Variants in C16orf95 observed in about 807,000 individuals in gnomAD.
C16orf95 encodes the protein chromosome 16 open reading frame 95, also known as uncharacterized protein C16orf95.
In C16orf95, 41 loss-of-function variants were observed where a neutral mutation model predicts 32.1. The observed-to-expected ratio is 1.28, with a 90% CI of 1.00 to 1.66. The LOEUF is 1.66. Ranked by LOEUF, C16orf95 falls within the 40% of genes most tolerant of loss-of-function variation. C16orf95 has a pLI of 0.00. For synonymous variants in C16orf95, 147 were observed against 128.9 expected, an observed-to-expected ratio of 1.14 and a Z score of -0.95; for missense variants, 399 against 325.9, an observed-to-expected ratio of 1.22 and a Z score of -1.73.
Position 87,317,137 on chromosome 16 carries a change from C to T in C16orf95, c.106G>A (p.Val36Ile). ...AAAGGPGAGC[V>I]GLCRLALTPS... The stretch of plus-strand genomic sequence containing the variant: ...GTGAGTGCCAACCTGCAGAGCCCGA[C>T]GCACCCCGCGCCCGGCCCCCCGGCA... Residue 36 changes from valine (V) to isoleucine (I), a missense_variant, in exon 1 of 7, where the codon GTC (valine) becomes ATC (isoleucine). Transcript: ENST00000567970. 1 of 1,534,146 alleles carries T rather than the reference C, an allele frequency of 6.5e-7. No individual in the cohort carries two copies. Among genetic ancestry groups the T allele is most frequent in the Non-Finnish European group, 8.7e-7 (1 of 1,145,772 alleles).
At position 87,308,216 on chromosome 16, in the gene C16orf95, T is replaced by C. The variant is rs186977912; in HGVS notation, c.514+2081A>G. Reference sequence around the variant, plus strand: ...AGCAGGTGTTGGCCGGGCACAGTGGTTCACGCCTGTAATCCCAGCACTTTG... The same window carrying C: ...AGCAGGTGTTGGCCGGGCACAGTGGCTCACGCCTGTAATCCCAGCACTTTG... On this transcript the variant is annotated intron_variant, in intron 5 of 6. Coordinates refer to ENST00000567970, the MANE Select transcript of C16orf95 (RefSeq NM_001195124.3). Among the ~76,000 whole-genome samples, 188 of 152,008 alleles carry C rather than the reference T, an allele frequency of 1.2e-3. 1 individual carries two copies. Among genetic ancestry groups the C allele is most frequent in the Middle Eastern group, 3.4e-3 (1 of 294 alleles).
chr16:87,311,954 TA>T (rs1303049535), intron 3 of C16orf95, among the ~76,000 whole-genome samples: 1 of 152,182 alleles, frequency 6.6e-6, no homozygotes, highest in Non-Finnish European at 1.5e-5. Flanking sequence ...TGACACGGAA[TA>T]AACTCTGAGA....
At chr16:87,308,232 C>A (rs540149035) in intron 5 of C16orf95, among the ~76,000 whole-genome samples, 2 of 152,218 alleles carry the variant, frequency 1.3e-5, no homozygotes, top group South Asian at 4.2e-4. Flanking sequence ...CCTGTAATCC[C>A]AGCACTTTGG....
At chr16:87,313,451 C>T (rs951586213) in intron 3 of C16orf95, among the ~76,000 whole-genome samples, 1 of 152,124 alleles carries the variant, frequency 6.6e-6, no homozygotes, top group African/African-American at 2.4e-5. Context: ...AGAGGCTTGG[C>T]CAGGTGTGGT....
chr16:87,311,036 C>G (rs1050416989), intron 4 of C16orf95, 114 bp downstream of exon 4: 3 of 1,031,340 alleles, frequency 2.9e-6, no homozygotes, highest in South Asian at 3.8e-5. Flanking sequence ...CCAGCAGAGG[C>G]CTTTGTGGGA....
In C16orf95 at chr16:87,305,476, G is replaced by C. The variant is rs985180466; in HGVS notation, c.701+243C>G. 6.6e-6 allele frequency among the ~76,000 whole-genome samples: 1 copy of C among 152,212 alleles called. No individual in the cohort carries two copies. Among genetic ancestry groups the C allele is most frequent in the African/African-American group, 2.4e-5 (1 of 41,456 alleles). ...ATTTTAGAACTTGGGAAGAGGGAAG[G>C]GGTGGAAGTGCCCCACGAGGCCCCC... On this transcript the variant is annotated intron_variant, in intron 6 of 6. Transcript: ENST00000567970. This position sits in a 1 kb window ranked among gnomAD's most constrained non-coding sequence, Gnocchi z 4.2.
At chr16:87,309,903 G>C (rs914277976) in intron 5 of C16orf95, among the ~76,000 whole-genome samples, 1 of 152,140 alleles carries the variant, frequency 6.6e-6, no homozygotes, top group African/African-American at 2.4e-5. Context: ...ATGAATGTAT[G>C]AGTATATAAT....
chr16:87,314,703 C>T (rs1057060080), intron 3 of C16orf95, among the ~76,000 whole-genome samples: 1 of 152,148 alleles, frequency 6.6e-6, no homozygotes, highest in Non-Finnish European at 1.5e-5. Flanking sequence ...TTAGAAAAAA[C>T]TGTTTAAAAA....
Position 87,305,090 on chromosome 16 carries a change from G to A in C16orf95, c.701+629C>T, listed in dbSNP as rs1043857871. On this transcript the variant is annotated intron_variant, in intron 6 of 6. Transcript: ENST00000567970. The surrounding 1 kb of genome is among the most constrained non-coding windows in gnomAD (Gnocchi z 4.2). ...AGAGGAGCCACCGCCTAGGCCGAGA[G>A]TAAAGGAGTAAGAGGAAGTAGCTGT... Among the ~76,000 whole-genome samples, 1 of 152,212 alleles carries A rather than the reference G, an allele frequency of 6.6e-6. No homozygotes were observed. The highest frequency in any genetic ancestry group is 1.5e-5 in the Non-Finnish European group (1 of 68,046).
In C16orf95 at chr16:87,305,363, T is replaced by G. The variant is rs1227498885; in HGVS notation, c.701+356A>C. ...TGCTCAGAGCTCAGAGGCTGGAGGG[T>G]GAGTGGCTGTTAAGATGCACCGTCA... On this transcript the variant is annotated intron_variant, in intron 6 of 6. Coordinates refer to ENST00000567970, the MANE Select transcript of C16orf95 (RefSeq NM_001195124.3). This position sits in a 1 kb window ranked among gnomAD's most constrained non-coding sequence, Gnocchi z 4.2. Among the ~76,000 whole-genome samples the G allele has an allele frequency of 6.6e-6, 1 of 151,544 alleles. No individual in the cohort carries two copies. Among genetic ancestry groups the G allele is most frequent in the African/African-American group, 2.4e-5 (1 of 41,196 alleles).
chr16:87,311,568 C>T (rs1036463615), intron 3 of C16orf95, among the ~76,000 whole-genome samples: 6 of 152,328 alleles, frequency 3.9e-5, no homozygotes, highest in East Asian at 1.9e-4. Context: ...TGTGCCCTGG[C>T]GGAGCACACA....
chr16:87,312,509 C>T lies in C16orf95; in HGVS notation c.331-1213G>A, dbSNP rs1284443613. ...GCTTGAACCTGGGAGACGGAGTTTGCAGTGAGCCGAAATCATGCCACTGCA... is the reference window on the plus strand; with the variant it reads ...GCTTGAACCTGGGAGACGGAGTTTGTAGTGAGCCGAAATCATGCCACTGCA... On this transcript the variant is annotated intron_variant, in intron 3 of 6. Coordinates refer to ENST00000567970, the MANE Select transcript of C16orf95 (RefSeq NM_001195124.3). 7.2e-5 allele frequency among the ~76,000 whole-genome samples: 10 copies of T among 139,752 alleles called. No individual in the cohort carries two copies. In the Admixed American group the frequency reaches 7.4e-4, roughly 10 times the overall value. The allele number at this position is 139,752 out of a possible 152,430, so 91.7% of individuals were successfully genotyped here.
At chr16:87,315,680 G>T in intron 2 of C16orf95, 92 bp downstream of exon 2, 1 of 985,812 alleles carries the variant, frequency 1.0e-6, no homozygotes, top group Non-Finnish European at 1.4e-6. Context: ...TCTCTCATGG[G>T]ATGCAGCTTC....
chr16:87,308,093 C>T (rs1314312059), intron 5 of C16orf95, among the ~76,000 whole-genome samples: 1 of 152,128 alleles, frequency 6.6e-6, no homozygotes, highest in African/African-American at 2.4e-5. Flanking sequence ...GAGGAATGAG[C>T]GGGAGCCTTG....
chr16:87,312,010 C>T (rs1911304514), intron 3 of C16orf95, among the ~76,000 whole-genome samples: 1 of 152,206 alleles, frequency 6.6e-6, no homozygotes. Context: ...GTTCACTACA[C>T]TACCATTTGC....
chr16:87,311,101 C>T lies in C16orf95; in HGVS notation c.477+49G>A, dbSNP rs759288295. 3.4e-5 allele frequency: 48 copies of T among 1,422,708 alleles called. 1 individual carries two copies. The South Asian group carries it at 6.2e-4, about 18-fold the overall frequency. 88.1% of individuals were successfully genotyped at this position (1,422,708 alleles called of 1,614,324 possible). The stretch of plus-strand genomic sequence containing the variant: ...TTCCTCCCATCTCCCCTTCCCCCGG[C>T]CCCCACCTCACTCTTCAGTTCTCAC... On this transcript the variant is annotated intron_variant, in intron 4 of 6. Transcript: ENST00000567970.
intron 1 of C16orf95, 73 bp downstream of exon 1, chr16:87,317,018 T>C (rs1254515137): frequency 3.0e-5 from 44 of 1,452,730 alleles, no homozygotes; most frequent in Non-Finnish European, 3.8e-5. Context: ...GCATAGGTCA[T>C]GGAGCAATGC....
At position 87,316,997 on chromosome 16, in the gene C16orf95, G is replaced by A. The variant is rs537346589; in HGVS notation, c.152+94C>T. ...AGGTTCCTGTGGGTGGCGGTCAAGA[G>A]TTCTGCCTGTGCATAGGTCATGGAG... is the stretch of plus-strand genomic sequence containing the variant. On this transcript the variant is annotated intron_variant, in intron 1 of 6. Transcript: ENST00000567970. The A allele has an allele frequency of 6.2e-4, 870 of 1,402,060 alleles. 3 individuals are homozygous for A. In the Middle Eastern group the frequency reaches 6.4e-3, roughly 10 times the overall value. 86.9% of individuals were successfully genotyped at this position (1,402,060 alleles called of 1,614,324 possible).
Position 87,303,061 on chromosome 16 carries a change from AC to A in C16orf95, c.715del (p.Val239PhefsTer32). 6.5e-7 allele frequency: 1 copy of A among 1,536,070 alleles called. No homozygotes were observed. Among genetic ancestry groups the A allele is most frequent in the East Asian group, 2.4e-5 (1 of 40,916 alleles). The stretch of plus-strand genomic sequence containing the variant: ...CAGTAGCTGAAGATTCCAACTTCAA[AC>A]CCCAAAACACTGGCTGGAAAGCAAA... Reference protein sequence around the residue: ...VIMAIRQCFGV With the variant: ...VIMAIRQCFGX On this transcript the variant is annotated frameshift_variant, in exon 7 of 7. Transcript: ENST00000567970. LOFTEE classifies it high-confidence loss of function.
Sources: allele counts gnomAD v4.1 joint callset (sites outside exome capture counted in the v4.1 genomes callset), GRCh38; gene constraint gnomAD v4.1.1; non-coding constraint Gnocchi (gnomAD v3.1); transcripts MANE v1.5; gene names NCBI Gene and HGNC (gene_info 2026-07-23, HGNC 2026-07-21).